NECAB1: variants seen among roughly 807,000 people sequenced by gnomAD.
NECAB1 encodes the protein N-terminal EF-hand calcium binding protein 1.
A neutral mutation model predicts 57.5 loss-of-function variants in NECAB1; 29 were observed. The ratio of observed to expected loss-of-function variants is 0.50; its 90% CI spans 0.38 to 0.69. NECAB1 has a LOEUF of 0.69. NECAB1 is among the 30% of genes least tolerant of loss of function. NECAB1 has a pLI of 0.00. For missense variants in NECAB1, 372 were observed against 413.8 expected, an observed-to-expected ratio of 0.90 and a Z score of 0.88; for synonymous variants, 142 against 147.7, an observed-to-expected ratio of 0.96 and a Z score of 0.28.
At chr8:90,823,488 T>C (rs1812177991) in intron 2 of NECAB1, among the ~76,000 whole-genome samples, 1 of 151,864 alleles carries the variant, frequency 6.6e-6, no homozygotes, top group Non-Finnish European at 1.5e-5. Flanking sequence ...TCAAATTTCT[T>C]GTCTACCCAC....
intron 5 of NECAB1, among the ~76,000 whole-genome samples, chr8:90,882,424 A>AG (rs1808860505): frequency 6.6e-6 from 1 of 151,738 alleles, no homozygotes; most frequent in Non-Finnish European, 1.5e-5. Flanking sequence ...AGAGAGAGAG[A>AG]GAAAAAAAAA....
intron 5 of NECAB1, among the ~76,000 whole-genome samples, chr8:90,905,249 A>T (rs953410017): frequency 6.6e-6 from 1 of 152,224 alleles, no homozygotes; most frequent in Non-Finnish European, 1.5e-5. Context: ...ATACAGGAAC[A>T]GGAACTTCAG....
chr8:90,820,467 T>C (rs184305474), intron 2 of NECAB1, among the ~76,000 whole-genome samples: 1 of 151,938 alleles, frequency 6.6e-6, no homozygotes, highest in African/African-American at 2.4e-5. Context: ...GATGTTTTCA[T>C]TTTGATAAAC....
At chr8:90,845,727 G>C (rs1161343623) in intron 3 of NECAB1, among the ~76,000 whole-genome samples, 1 of 152,096 alleles carries the variant, frequency 6.6e-6, no homozygotes, top group African/African-American at 2.4e-5. Flanking sequence ...CATTGAACTT[G>C]ATTTTCAAAA....
intron 5 of NECAB1, among the ~76,000 whole-genome samples, chr8:90,905,958 C>T (rs1181885237): frequency 6.6e-6 from 1 of 152,302 alleles, no homozygotes; most frequent in East Asian, 1.9e-4. Flanking sequence ...AATAGTCTCT[C>T]ACTCCTTTCT....
At chr8:90,955,285 C>A (rs1289972520) in intron 12 of NECAB1, among the ~76,000 whole-genome samples, 1 of 150,586 alleles carries the variant, frequency 6.6e-6, no homozygotes, top group Non-Finnish European at 1.5e-5. Flanking sequence ...CAACAAAGTG[C>A]CAAAAGGTAT....
intron 4 of NECAB1, among the ~76,000 whole-genome samples, chr8:90,878,248 C>G (rs922375384): frequency 2.0e-5 from 3 of 152,120 alleles, no homozygotes; most frequent in African/African-American, 7.2e-5. Flanking sequence ...GAATGTTTCT[C>G]TCTCCTCTCT....
chr8:90,878,862 C>T (rs1299291815), intron 4 of NECAB1, among the ~76,000 whole-genome samples: 1 of 150,678 alleles, frequency 6.6e-6, no homozygotes, highest in Non-Finnish European at 1.5e-5. Context: ...ACTAATTAAG[C>T]CAAATGTCCA....
intron 3 of NECAB1, among the ~76,000 whole-genome samples, chr8:90,870,297 CA>C (rs1177463292): frequency 6.6e-6 from 1 of 152,188 alleles, no homozygotes; most frequent in East Asian, 1.9e-4. Flanking sequence ...ACCCATCTGT[CA>C]GGGGCCTGTT....
At chr8:90,899,988 A>G (rs1809460441) in intron 5 of NECAB1, among the ~76,000 whole-genome samples, 1 of 152,184 alleles carries the variant, frequency 6.6e-6, no homozygotes, top group Admixed American at 6.5e-5. Flanking sequence ...AAGCATTACT[A>G]AAACAACAAT....
At chr8:90,955,027 A>G (rs1278137156) in intron 12 of NECAB1, among the ~76,000 whole-genome samples, 6 of 146,038 alleles carry the variant, frequency 4.1e-5, no homozygotes, top group Admixed American at 3.5e-4. Context: ...GTATATACAT[A>G]TATAAATGCA....
chr8:90,907,958 A>C (rs932082748), intron 5 of NECAB1, among the ~76,000 whole-genome samples: 4 of 152,224 alleles, frequency 2.6e-5, no homozygotes, highest in African/African-American at 9.6e-5. Context: ...AATGCTCATA[A>C]TATTTTAATG....
intron 10 of NECAB1, among the ~76,000 whole-genome samples, chr8:90,944,900 GTATT>G (rs1586148305): frequency 1.3e-5 from 2 of 152,068 alleles, no homozygotes; most frequent in East Asian, 1.9e-4. Flanking sequence ...TCATTTATCA[GTATT>G]TATTTATTTT....
At position 90,869,629 on chromosome 8, in the gene NECAB1, G is replaced by A. The variant is rs577346781; in HGVS notation, c.234-2499G>A. Reference sequence around the variant, plus strand: ...GCGTGGGACCTGTAGCCCTTTTTGTGTTGGCCGATTTCTCCTTTTTGGAAT... The same window carrying A: ...GCGTGGGACCTGTAGCCCTTTTTGTATTGGCCGATTTCTCCTTTTTGGAAT... On this transcript the variant is annotated intron_variant, in intron 3 of 12. Transcript: ENST00000417640. Among the ~76,000 whole-genome samples, 8 of 152,260 alleles carry A rather than the reference G, an allele frequency of 5.3e-5. No individual in the cohort carries two copies. The South Asian group carries it at 1.7e-3, about 32-fold the overall frequency.
intron 3 of NECAB1, among the ~76,000 whole-genome samples, chr8:90,863,964 T>G (rs1808458295): frequency 6.6e-6 from 1 of 152,148 alleles, no homozygotes; most frequent in Admixed American, 6.6e-5. Context: ...CTATTTATAT[T>G]AGTGTGACTC....
At chr8:90,872,050 T>C (rs1808630418) in intron 3 of NECAB1, 78 bp from the exon 4 acceptor site, 1 of 1,099,464 alleles carries the variant, frequency 9.1e-7, no homozygotes, top group Non-Finnish European at 1.3e-6. Context: ...GGAGACTAAC[T>C]GTATTTAACT....
chr8:90,879,349 G>A (rs1248574471), intron 4 of NECAB1, among the ~76,000 whole-genome samples: 1 of 151,114 alleles, frequency 6.6e-6, no homozygotes, highest in Non-Finnish European at 1.5e-5. Flanking sequence ...CCACCATGCT[G>A]TGTGGCCCAG....
chr8:90,883,001 G>A (rs1207399887), intron 5 of NECAB1, among the ~76,000 whole-genome samples: 1 of 152,148 alleles, frequency 6.6e-6, no homozygotes, highest in East Asian at 1.9e-4. Flanking sequence ...GAAGCTTCCA[G>A]ATTGCCTCTA....
At chr8:90,804,627 A>G (rs143167516) in intron 2 of NECAB1, among the ~76,000 whole-genome samples, 4 of 152,340 alleles carry the variant, frequency 2.6e-5, no homozygotes, top group African/African-American at 9.6e-5. Flanking sequence ...CCATAAATAA[A>G]TACAACTATA....
Sources: allele counts gnomAD v4.1 joint callset (sites outside exome capture counted in the v4.1 genomes callset), GRCh38; gene constraint gnomAD v4.1.1; transcripts MANE v1.5; gene names NCBI Gene and HGNC (gene_info 2026-07-23, HGNC 2026-07-21).